The following KLF8 variants were observed in gnomAD, a reference collection of about 807,000 sequenced individuals.
The protein encoded by KLF8 is KLF transcription factor 8.
KLF8 carries 10 observed loss-of-function variants against 18.2 expected under a neutral mutation model. That is an observed-to-expected ratio of 0.55 (90% CI 0.34 to 0.93). The LOEUF (loss-of-function observed/expected upper bound fraction) is 0.93, where lower values mean the gene tolerates loss of function less well. Ranked by LOEUF, KLF8 falls within the 40% of genes least tolerant of loss-of-function variation. The pLI, the probability that KLF8 is intolerant of heterozygous loss-of-function variation, is 0.02. For synonymous variants in KLF8, 109 were observed against 97.3 expected (o/e 1.12, Z -0.71); for missense variants, 264 against 277.9 (o/e 0.95, Z 0.36).
At chrX:55,958,490 G>T in the KLF8 span, among the ~76,000 whole-genome samples, 1 of 111,662 alleles carries the variant, frequency 9.0e-6, no homozygotes, top group East Asian at 2.8e-4. Flanking sequence ...AATGGGGGAT[G>T]GGTAATTTTT....
intron 2 of KLF8, among the ~76,000 whole-genome samples, chrX:56,255,761 T>C (rs996197711): frequency 2.7e-5 from 3 of 112,158 alleles, no homozygotes; most frequent in African/African-American, 9.7e-5. Context: ...GAAGGATCTT[T>C]CTAATATATT....
the KLF8 span, among the ~76,000 whole-genome samples, chrX:55,984,305 G>A: frequency 9.1e-6 from 1 of 110,186 alleles, no homozygotes; most frequent in African/African-American, 3.3e-5. Flanking sequence ...AGGTCCCCAC[G>A]TTTCCGAGTG....
chrX:55,981,097 G>T, the KLF8 span, among the ~76,000 whole-genome samples: 2 of 112,094 alleles, frequency 1.8e-5, no homozygotes, highest in South Asian at 7.5e-4. Context: ...AGAGGCTGAG[G>T]CAGGGGAATG....
At chrX:55,921,642 C>T in the KLF8 span, among the ~76,000 whole-genome samples, 1 of 111,998 alleles carries the variant, frequency 8.9e-6, no homozygotes, top group Non-Finnish European at 1.9e-5. Flanking sequence ...TAAAGAGCTT[C>T]TGTACAGCAA....
chrX:56,073,234 G>T, the KLF8 span, among the ~76,000 whole-genome samples: 3 of 111,670 alleles, frequency 2.7e-5, no homozygotes, highest in Non-Finnish European at 5.6e-5. Context: ...TGATCCGACC[G>T]CCTCAGCCTC....
At chrX:56,266,730 G>A in intron 3 of KLF8, 1 of 753,768 alleles carries the variant, frequency 1.3e-6, no homozygotes, top group Non-Finnish European at 1.6e-6. Context: ...GGCTGATAAT[G>A]TTTTGCATAA....
At chrX:55,982,475 G>T in the KLF8 span, among the ~76,000 whole-genome samples, 2 of 111,874 alleles carry the variant, frequency 1.8e-5, no homozygotes, top group East Asian at 2.8e-4. Flanking sequence ...ACGATTTATT[G>T]TAATATCCTT....
the KLF8 span, among the ~76,000 whole-genome samples, chrX:55,993,020 G>T: frequency 8.1e-5 from 9 of 111,289 alleles, no homozygotes; most frequent in Non-Finnish European, 1.9e-5. Flanking sequence ...GTGTGTTCTA[G>T]GTATAGAATC....
At chrX:56,162,770 A>T in the KLF8 span, among the ~76,000 whole-genome samples, 1 of 110,665 alleles carries the variant, frequency 9.0e-6, no homozygotes, top group African/African-American at 3.3e-5. Context: ...TGCTGCATCC[A>T]CTGTCCTGCT....
chrX:56,138,063 A>AAG, the KLF8 span, among the ~76,000 whole-genome samples: 1 of 106,645 alleles, frequency 9.4e-6, no homozygotes. Flanking sequence ...AAAAAAAAAA[A>AAG]AAACCCTCAG....
chrX:56,155,392 G>A, the KLF8 span, among the ~76,000 whole-genome samples: 3 of 110,889 alleles, frequency 2.7e-5, no homozygotes, highest in Non-Finnish European at 1.9e-5. Context: ...TCTCATAGGT[G>A]GGAATTCAAC....
chrX:55,934,135 A>C, the KLF8 span, among the ~76,000 whole-genome samples: 1 of 112,010 alleles, frequency 8.9e-6, no homozygotes, highest in Non-Finnish European at 1.9e-5. Context: ...TGTTTAGCCA[A>C]ATGGCTTAGA....
chrX:56,190,408 A>G, the KLF8 span, among the ~76,000 whole-genome samples: 1 of 111,895 alleles, frequency 8.9e-6, no homozygotes, highest in East Asian at 2.8e-4. Flanking sequence ...CTTTTTCAGT[A>G]TTAGACAGAT....
chrX:56,217,175 A>C, the KLF8 span, among the ~76,000 whole-genome samples: 3 of 111,601 alleles, frequency 2.7e-5, no homozygotes, highest in African/African-American at 6.5e-5. Context: ...CTAAGAAAAA[A>C]TTAGTACTCA....
At chrX:56,222,837 C>A in the KLF8 span, among the ~76,000 whole-genome samples, 113 of 113,132 alleles carry the variant, frequency 1.0e-3, no homozygotes, top group African/African-American at 3.5e-3. Context: ...GGCTGGCCGG[C>A]GGCTCCGAGT....
the KLF8 span, among the ~76,000 whole-genome samples, chrX:56,154,738 G>A: frequency 1.8e-5 from 2 of 111,526 alleles, no homozygotes; most frequent in Non-Finnish European, 3.8e-5. Flanking sequence ...AATCTACAAT[G>A]AACTCAAACT....
the KLF8 span, among the ~76,000 whole-genome samples, chrX:55,968,985 A>G: frequency 8.9e-6 from 1 of 111,783 alleles, no homozygotes; most frequent in Non-Finnish European, 1.9e-5. Context: ...AAAGAGAGAG[A>G]GATGCCAATA....
At chrX:56,124,237 T>A in the KLF8 span, among the ~76,000 whole-genome samples, 4 of 111,761 alleles carry the variant, frequency 3.6e-5, no homozygotes, top group Non-Finnish European at 7.5e-5. Context: ...TTGCTTACAT[T>A]TCCCCACTAG....
At chrX:55,956,129 TTATC>T in the KLF8 span, among the ~76,000 whole-genome samples, 16,764 of 95,353 alleles carry the variant, frequency 0.18, 1,201 homozygotes, top group Middle Eastern at 0.22. Flanking sequence ...ATCTATCTAT[TTATC>T]TATCTATCTA....
Sources: allele counts gnomAD v4.1 joint callset (sites outside exome capture counted in the v4.1 genomes callset), GRCh38; gene constraint gnomAD v4.1.1; transcripts MANE v1.5; gene names NCBI Gene and HGNC (gene_info 2026-07-23, HGNC 2026-07-21).